Variants in ACOT11 observed in about 807,000 individuals in gnomAD.
ACOT11 encodes the protein acyl-CoA thioesterase 11.
A neutral mutation model predicts 77.5 loss-of-function variants in ACOT11; 69 were observed. The ratio of observed to expected loss-of-function variants is 0.89; its 90% confidence interval spans 0.73 to 1.09. The LOEUF (loss-of-function observed/expected upper bound fraction) is 1.09, where lower values mean the gene tolerates loss of function less well. Among genes scored for constraint, ACOT11 ranks in the 50% least tolerant of loss-of-function variants. The pLI is 0.00. For missense variants in ACOT11, 766 were observed against 813.7 expected (o/e 0.94, Z 0.71); for synonymous variants, 279 against 313.0 (o/e 0.89, Z 1.15).
downstream of ACOT11, chr1:54,614,937 C>A: frequency 1.9e-6 from 2 of 1,029,232 alleles, no homozygotes; most frequent in Non-Finnish European, 2.8e-6. Flanking sequence ...GAAAGCAGAG[C>A]GGGTGTGTGT....
At chr1:54,603,173 C>T (rs1285151197) in intron 10 of ACOT11, among the ~76,000 whole-genome samples, 1 of 152,196 alleles carries the variant, frequency 6.6e-6, no homozygotes, top group Non-Finnish European at 1.5e-5. Flanking sequence ...CCCGTCTCTA[C>T]TAAAAATACA....
At chr1:54,630,252 A>G (rs990238604) in intron 15 of ACOT11, among the ~76,000 whole-genome samples, 1 of 80,436 alleles carries the variant, frequency 1.2e-5, no homozygotes, top group Non-Finnish European at 3.2e-5. Context: ...GGTGGCTCAC[A>G]CCTGTAATCC....
chr1:54,560,937 G>A (rs371891517), intron 1 of ACOT11, among the ~76,000 whole-genome samples: 2 of 152,088 alleles, frequency 1.3e-5, no homozygotes, highest in East Asian at 1.9e-4. Context: ...TGGCCAGGCT[G>A]GTCTCGAACT....
At chr1:54,552,834 T>G (rs562393644) in intron 1 of ACOT11, among the ~76,000 whole-genome samples, 22 of 149,912 alleles carry the variant, frequency 1.5e-4, no homozygotes, top group African/African-American at 4.7e-4. Flanking sequence ...TGTTTTGTTT[T>G]TTTTTTTTTT....
At chr1:54,623,998 T>A (rs542005074) in intron 15 of ACOT11, among the ~76,000 whole-genome samples, 1 of 152,202 alleles carries the variant, frequency 6.6e-6, no homozygotes, top group African/African-American at 2.4e-5. Flanking sequence ...ACAGATTATC[T>A]ACCTGGGATA....
rs368544454 is a variant in ACOT11 at position 54,602,687 on chromosome 1, C to T, written c.1048C>T (p.Arg350Ter). ...PQPGDGERRY[R>*]EASARKKIRL... is the part of the protein sequence containing the mutation. ...TCCCCAGGATGGTGAGCGGCGGTAC[C>T]GAGAGGCCAGTGCCAGAAAGAAGAT... is the stretch of plus-strand genomic sequence containing the variant. Residue 350 changes from arginine to a stop codon, truncating the protein, a stop_gained, in exon 10 of 16, where the codon CGA becomes TGA. Transcript: ENST00000343744. LOFTEE classifies it high-confidence loss of function. The T allele has an allele frequency of 6.9e-5, 107 of 1,555,764 alleles. No individual in the cohort carries two copies. The highest frequency in any genetic ancestry group is 9.0e-5 in the Non-Finnish European group (104 of 1,152,044).
chr1:54,623,073 G>A (rs908609862), intron 15 of ACOT11, among the ~76,000 whole-genome samples: 4 of 152,000 alleles, frequency 2.6e-5, no homozygotes, highest in African/African-American at 7.3e-5. Flanking sequence ...CTACTCGGGA[G>A]GCTGAGGCAG....
chr1:54,570,242 C>G (rs115575637), intron 1 of ACOT11, among the ~76,000 whole-genome samples: 1 of 152,208 alleles, frequency 6.6e-6, no homozygotes, highest in Non-Finnish European at 1.5e-5. Flanking sequence ...CGGGAGGCTT[C>G]GTAGAGTGCC....
downstream of ACOT11, among the ~76,000 whole-genome samples, chr1:54,613,664 A>G (rs1341564053): frequency 6.6e-6 from 1 of 152,194 alleles, no homozygotes; most frequent in African/African-American, 2.4e-5. Context: ...CAAAAGATGC[A>G]AACTTTAATA....
At chr1:54,619,626 G>A (rs919338793) in intron 15 of ACOT11, among the ~76,000 whole-genome samples, 7 of 152,170 alleles carry the variant, frequency 4.6e-5, no homozygotes, top group African/African-American at 1.7e-4. Flanking sequence ...CTGGGAGGGA[G>A]GACAGTATAG....
In ACOT11 at chr1:54,609,301, GT is replaced by G. The variant is rs1261326521; in HGVS notation, c.*190del. On this transcript the variant is annotated 3_prime_UTR_variant, in exon 16 of 16. Transcript: ENST00000343744. ...TACCAACATGAGCCAGCAAGTCCTT[GT>G]GGTAGCCCTGGGGTAGCCTGTAGTA... The G allele has an allele frequency of 5.0e-6, 8 of 1,610,024 alleles. No homozygotes were observed. The highest frequency in any genetic ancestry group is 6.8e-6 in the Non-Finnish European group (8 of 1,177,044).
intron 1 of ACOT11, among the ~76,000 whole-genome samples, chr1:54,561,675 G>A (rs1653493192): frequency 2.2e-5 from 3 of 136,170 alleles, no homozygotes; most frequent in Non-Finnish European, 4.8e-5. Flanking sequence ...CCCAGTAGGG[G>A]CGGCCGGGCA....
chr1:54,621,109 G>T (rs1384196830), intron 15 of ACOT11, among the ~76,000 whole-genome samples: 1 of 151,148 alleles, frequency 6.6e-6, no homozygotes. Context: ...GCAGTGAGCC[G>T]GAGATCATGC....
chr1:54,628,718 C>T (rs1269586473), intron 15 of ACOT11, among the ~76,000 whole-genome samples: 1 of 131,300 alleles, frequency 7.6e-6, no homozygotes, highest in African/African-American at 2.6e-5. Context: ...AGTTTCATGT[C>T]GGTAGTGCCC....
intron 1 of ACOT11, among the ~76,000 whole-genome samples, chr1:54,572,602 C>T (rs920185108): frequency 6.6e-6 from 1 of 152,152 alleles, no homozygotes; most frequent in Admixed American, 6.5e-5. Flanking sequence ...GCGGGTCATT[C>T]ATACTTGGGG....
rs1447133282 is a variant in ACOT11 at position 54,601,375 on chromosome 1, C to T, written c.991C>T (p.Gln331Ter). 1.9e-6 allele frequency: 3 copies of T among 1,613,440 alleles called. No individual in the cohort carries two copies. The highest frequency in any genetic ancestry group is 8.5e-7 in the Non-Finnish European group (1 of 1,179,986). Residue 331 changes from glutamine to a stop codon, truncating the protein, a stop_gained, in exon 9 of 16, where the codon CAG becomes TAG. Coordinates refer to ENST00000343744, the MANE Select transcript of ACOT11 (RefSeq NM_147161.4). LOFTEE classifies it high-confidence loss of function. ...CTTTGTGGTCCTGGACGCAGATGACCAGCCCCAGTTGCTGCCCTGGATTCG... is the reference window on the plus strand; with the variant it reads ...CTTTGTGGTCCTGGACGCAGATGACTAGCCCCAGTTGCTGCCCTGGATTCG... ...MTFVVLDADD[Q>*]PQLLPWIRPQ... is the part of the protein sequence containing the mutation.
chr1:54,638,850 TATTA>T (rs1363577331), exon 17 of ACOT11: 3 of 152,132 alleles, frequency 2.0e-5, no homozygotes, highest in South Asian at 2.1e-4. Flanking sequence ...AAGGTAGCAG[TATTA>T]ATTAATTTTG....
chr1:54,582,102 G>A (rs879528152), intron 1 of ACOT11, among the ~76,000 whole-genome samples: 1 of 152,218 alleles, frequency 6.6e-6, no homozygotes, highest in Non-Finnish European at 1.5e-5. Flanking sequence ...GCCCTGCTTA[G>A]AGGAGCACAG....
intron 1 of ACOT11, among the ~76,000 whole-genome samples, chr1:54,572,572 G>T (rs545609484): frequency 2.7e-4 from 41 of 152,296 alleles, no homozygotes; most frequent in South Asian, 8.3e-4. Context: ...TCCCCTGAGG[G>T]GGGGGGTCAC....
Sources: gnomAD v4.1 joint callset for allele counts (sites outside exome capture counted in the v4.1 genomes callset) on GRCh38, gnomAD v4.1.1 for gene constraint, MANE v1.5 for transcripts, NCBI Gene and HGNC (gene_info 2026-07-23, HGNC 2026-07-21) for gene names.